The following PCDH7 variants were observed in gnomAD, a reference collection of about 807,000 sequenced individuals.
PCDH7 encodes protocadherin-7.
In PCDH7, 17 loss-of-function variants were observed where a neutral mutation model predicts 58.9. The ratio of observed to expected loss-of-function variants is 0.29; its 90% CI spans 0.20 to 0.43. PCDH7 has a LOEUF of 0.43. Ranked by LOEUF, PCDH7 falls within the 20% of genes least tolerant of loss-of-function variation. The pLI is 1.00. For missense variants in PCDH7, 1,274 were observed against 1,441.0 expected (o/e 0.88, Z 1.88); for synonymous variants, 664 against 616.4 (o/e 1.08, Z -1.14).
chr4:30,734,083 C>A (rs1375629031), downstream of PCDH7, among the ~76,000 whole-genome samples: 5 of 151,766 alleles, frequency 3.3e-5, no homozygotes, highest in Non-Finnish European at 7.4e-5. Context: ...AAAAAACACA[C>A]AAAAAACCTA....
chr4:30,946,214 A>AG (rs1458822814), intron 2 of PCDH7, among the ~76,000 whole-genome samples: 1 of 152,200 alleles, frequency 6.6e-6, no homozygotes, highest in African/African-American at 2.4e-5. Flanking sequence ...TTTATGCAGC[A>AG]GGGGAATAAT....
chr4:31,032,213 A>C (rs368110265), intron 3 of PCDH7, among the ~76,000 whole-genome samples: 2 of 152,358 alleles, frequency 1.3e-5, no homozygotes. Flanking sequence ...TATTTGTATA[A>C]ATTATACGCA....
intron 1 of PCDH7, among the ~76,000 whole-genome samples, chr4:30,775,537 T>C (rs1183947138): frequency 6.6e-6 from 1 of 152,188 alleles, no homozygotes; most frequent in Non-Finnish European, 1.5e-5. Flanking sequence ...TTTTGTTTCC[T>C]TTCATACAAT....
chr4:30,863,511 T>C (rs1734477704), intron 1 of PCDH7, among the ~76,000 whole-genome samples: 1 of 152,106 alleles, frequency 6.6e-6, no homozygotes, highest in Non-Finnish European at 1.5e-5. Context: ...AATCCTGATT[T>C]AATGTTTATT....
chr4:30,800,323 T>C (rs1427665080), intron 1 of PCDH7, among the ~76,000 whole-genome samples: 1 of 152,150 alleles, frequency 6.6e-6, no homozygotes, highest in Non-Finnish European at 1.5e-5. Context: ...TATATACACA[T>C]ACATTTGTAT....
intron 1 of PCDH7, among the ~76,000 whole-genome samples, chr4:30,760,849 C>T (rs751521368): frequency 2.0e-5 from 3 of 152,172 alleles, no homozygotes; most frequent in Non-Finnish European, 2.9e-5. Context: ...TACACAGACA[C>T]ATCTCCAAGA....
intron 3 of PCDH7, among the ~76,000 whole-genome samples, chr4:31,024,620 C>T (rs1754279435): frequency 6.6e-6 from 1 of 152,118 alleles, no homozygotes; most frequent in African/African-American, 2.4e-5. Context: ...ACTTCAAAGA[C>T]TTTCTCAAAG....
intron 3 of PCDH7, among the ~76,000 whole-genome samples, chr4:31,069,519 G>T (rs1377506071): frequency 1.3e-5 from 2 of 151,954 alleles, no homozygotes; most frequent in Non-Finnish European, 2.9e-5. Context: ...CATGAAAAAT[G>T]CTTAAAGAAA....
At chr4:30,880,958 A>G (rs947104234) in intron 1 of PCDH7, among the ~76,000 whole-genome samples, 2 of 152,142 alleles carry the variant, frequency 1.3e-5, no homozygotes, top group African/African-American at 4.8e-5. Flanking sequence ...TCTGTGTTAC[A>G]TTCACTGTTT....
chr4:30,970,130 T>G (rs943614052), intron 3 of PCDH7, among the ~76,000 whole-genome samples: 1 of 152,196 alleles, frequency 6.6e-6, no homozygotes, highest in Admixed American at 6.5e-5. Context: ...TTCATGTGAA[T>G]TATAAATGGG....
intron 3 of PCDH7, among the ~76,000 whole-genome samples, chr4:31,076,940 C>T (rs941676366): frequency 1.3e-5 from 2 of 152,008 alleles, no homozygotes; most frequent in Non-Finnish European, 2.9e-5. Flanking sequence ...CACTGGAAGA[C>T]TTCAAAATTT....
rs1408842690 is a variant in PCDH7 at position 30,721,155 on chromosome 4, C to A, written c.-268C>A. Reference sequence around the variant, plus strand: ...CTGCGACTGAACGGCGGCAGGCGAGCGGGCGATTAGCACCCATTGCATGAA... The same window carrying A: ...CTGCGACTGAACGGCGGCAGGCGAGAGGGCGATTAGCACCCATTGCATGAA... On this transcript the variant is annotated 5_prime_UTR_variant, in exon 1 of 2. Coordinates refer to ENST00000361762, the Ensembl canonical transcript of PCDH7. The surrounding 1 kb of genome is among the most constrained non-coding windows in gnomAD (Gnocchi z 6.7). 4.3e-6 allele frequency: 2 copies of A among 461,784 alleles called. No homozygotes were observed. The highest frequency in any genetic ancestry group is 3.6e-5 in the East Asian group (1 of 27,818). The allele number at this position is 461,784 out of a possible 1,614,324, so 28.6% of individuals were successfully genotyped here. A position where few individuals can be genotyped will look rare whatever the true frequency, so the allele number is the denominator to read the frequency against.
chr4:30,946,806 CA>C (rs2109442549), intron 2 of PCDH7, among the ~76,000 whole-genome samples: 1 of 151,700 alleles, frequency 6.6e-6, no homozygotes, highest in African/African-American at 2.4e-5. Context: ...CTCCTGTGTT[CA>C]AGCATTTCTC....
intron 3 of PCDH7, among the ~76,000 whole-genome samples, chr4:31,075,953 G>A (rs547216850): frequency 5.9e-5 from 9 of 152,290 alleles, no homozygotes; most frequent in Middle Eastern, 3.4e-3. Flanking sequence ...GGCAGTGTTC[G>A]TGTAGGTATA....
At chr4:31,020,390 G>A (rs1019154151) in intron 3 of PCDH7, among the ~76,000 whole-genome samples, 6 of 152,138 alleles carry the variant, frequency 3.9e-5, no homozygotes, top group African/African-American at 1.2e-4. Context: ...GCACATGCAC[G>A]TTCACCCTTG....
chr4:31,103,324 ATTTCT>A (rs949208181), intron 3 of PCDH7, among the ~76,000 whole-genome samples: 10 of 151,654 alleles, frequency 6.6e-5, no homozygotes, highest in Middle Eastern at 3.4e-3. Flanking sequence ...AATTTTCCCA[ATTTCT>A]TTTCTTTTCT....
intron 2 of PCDH7, among the ~76,000 whole-genome samples, chr4:30,920,866 A>G (rs1463521119): frequency 3.9e-5 from 6 of 152,202 alleles, no homozygotes; most frequent in Non-Finnish European, 7.4e-5. Flanking sequence ...GGGTCAAAAG[A>G]GAACAGTACT....
At chr4:30,730,936 T>A (rs972231319) in exon 2 of PCDH7, 2 of 1,338,728 alleles carry the variant, frequency 1.5e-6, no homozygotes, top group East Asian at 5.4e-5. Context: ...AGTCTTTTTC[T>A]TTCTCATATA....
chr4:30,882,189 C>T (rs1737061685), intron 1 of PCDH7, among the ~76,000 whole-genome samples: 1 of 149,538 alleles, frequency 6.7e-6, no homozygotes, highest in Non-Finnish European at 1.5e-5. Context: ...TCCTCTTTCC[C>T]CTCCCCTTCC....
Sources: allele counts gnomAD v4.1 joint callset (sites outside exome capture counted in the v4.1 genomes callset), GRCh38; gene constraint gnomAD v4.1.1; non-coding constraint Gnocchi (gnomAD v3.1); transcripts MANE v1.5; gene names NCBI Gene and HGNC (gene_info 2026-07-23, HGNC 2026-07-21).